The following PRKACB variants were observed in gnomAD, a reference collection of about 807,000 sequenced individuals.
PRKACB encodes cAMP-dependent protein kinase catalytic subunit beta.
Under a neutral mutation model 51.4 loss-of-function variants are expected in PRKACB, and 16 were observed. The observed-to-expected ratio is 0.31, with a 90% CI of 0.21 to 0.47. PRKACB has a LOEUF of 0.47. Among genes scored for constraint, PRKACB ranks in the 20% least tolerant of loss-of-function variants. The probability of loss-of-function intolerance (pLI) is 1.00; values close to 1 mark genes in which losing one functional copy is unlikely to be tolerated. For missense variants in PRKACB, 309 were observed against 464.5 expected (o/e 0.67, Z 3.08); for synonymous variants, 147 against 154.4 (o/e 0.95, Z 0.35).
chr1:84,233,195 G>A (rs1336305816), intron 9 of PRKACB, among the ~76,000 whole-genome samples: 1 of 151,998 alleles, frequency 6.6e-6, no homozygotes, highest in Non-Finnish European at 1.5e-5. Context: ...CTGGATATGA[G>A]ATTCTGGGTT....
intron 1 of PRKACB, among the ~76,000 whole-genome samples, chr1:84,113,780 A>C (rs1650417756): frequency 6.6e-6 from 1 of 152,200 alleles, no homozygotes. Context: ...TTATATGAAA[A>C]GGAAAGGCAA....
chr1:84,176,639 G>A (rs1438156777), intron 1 of PRKACB, among the ~76,000 whole-genome samples: 4 of 151,520 alleles, frequency 2.6e-5, no homozygotes, highest in Non-Finnish European at 5.9e-5. Context: ...TTTCCTCATA[G>A]AACTATTTAA....
chr1:84,134,673 G>A (rs549512661), intron 1 of PRKACB, among the ~76,000 whole-genome samples: 51 of 152,178 alleles, frequency 3.4e-4, no homozygotes, highest in Admixed American at 1.2e-3. Flanking sequence ...AAAATAGGAC[G>A]GGGAAGAAAG....
intron 1 of PRKACB, among the ~76,000 whole-genome samples, chr1:84,122,068 T>A (rs1322887284): frequency 6.6e-6 from 1 of 152,058 alleles, no homozygotes; most frequent in African/African-American, 2.4e-5. Context: ...TCTGAGTGGT[T>A]TCCTTGAAGC....
At chr1:84,094,162 A>C (rs913642600) in intron 1 of PRKACB, among the ~76,000 whole-genome samples, 2 of 152,028 alleles carry the variant, frequency 1.3e-5, no homozygotes, top group Non-Finnish European at 2.9e-5. Flanking sequence ...CACACTTGTC[A>C]TATTCCTGGT....
At chr1:84,131,305 C>T (rs924960770) in intron 1 of PRKACB, among the ~76,000 whole-genome samples, 4 of 149,406 alleles carry the variant, frequency 2.7e-5, no homozygotes, top group African/African-American at 9.9e-5. Context: ...GATGGCACCA[C>T]TGCACTCCAG....
intron 4 of PRKACB, 104 bp downstream of exon 4, chr1:84,184,239 A>G (rs566650245): frequency 3.0e-5 from 30 of 991,294 alleles, no homozygotes; most frequent in Non-Finnish European, 4.2e-5. Context: ...AAGAATATGA[A>G]TAAACAAAAC....
intron 1 of PRKACB, among the ~76,000 whole-genome samples, chr1:84,124,397 A>G (rs892140019): frequency 6.6e-6 from 1 of 152,250 alleles, no homozygotes; most frequent in African/African-American, 2.4e-5. Context: ...TTGTATTAGT[A>G]TAACTTTACA....
intron 1 of PRKACB, among the ~76,000 whole-genome samples, chr1:84,090,065 C>G (rs1193594794): frequency 6.6e-6 from 1 of 152,172 alleles, no homozygotes; most frequent in African/African-American, 2.4e-5. Context: ...CACAGAAGAA[C>G]ACTAGAAATT....
intron 1 of PRKACB, among the ~76,000 whole-genome samples, chr1:84,121,104 C>T (rs894832702): frequency 1.6e-4 from 25 of 152,016 alleles, no homozygotes; most frequent in African/African-American, 6.0e-4. Flanking sequence ...AACATCTTTT[C>T]TAACATGTTC....
intron 9 of PRKACB, among the ~76,000 whole-genome samples, chr1:84,226,001 T>C (rs1167799719): frequency 3.9e-5 from 6 of 152,246 alleles, no homozygotes; most frequent in Non-Finnish European, 5.9e-5. Context: ...GTCAGCCATC[T>C]TGAAGCCCTG....
At chr1:84,100,895 G>A (rs567161558) in intron 1 of PRKACB, among the ~76,000 whole-genome samples, 1 of 152,290 alleles carries the variant, frequency 6.6e-6, no homozygotes, top group East Asian at 1.9e-4. Flanking sequence ...CAGTTAAAAA[G>A]TAGGCAAGCT....
intron 8 of PRKACB, chr1:84,205,046 C>T (rs967539668): frequency 1.0e-6 from 1 of 982,652 alleles, no homozygotes; most frequent in Admixed American, 6.2e-5. Flanking sequence ...CTTATTATAT[C>T]ACAATATTCT....
At chr1:84,139,534 T>C (rs1467727391), upstream of PRKACB, among the ~76,000 whole-genome samples, 1 of 152,190 alleles carries the variant, frequency 6.6e-6, no homozygotes, top group Non-Finnish European at 1.5e-5. Context: ...GCAAGATCTG[T>C]GTGTTGAAAA....
chr1:84,151,614 A>C (rs1654865584), intron 1 of PRKACB, among the ~76,000 whole-genome samples: 1 of 152,196 alleles, frequency 6.6e-6, no homozygotes, highest in African/African-American at 2.4e-5. Context: ...AATATTCTAA[A>C]TTCTCAGGTG....
intron 1 of PRKACB, among the ~76,000 whole-genome samples, chr1:84,084,016 A>G (rs536808620): frequency 1.3e-5 from 2 of 152,312 alleles, no homozygotes; most frequent in African/African-American, 4.8e-5. Flanking sequence ...TAGACATGTC[A>G]GCAAACACAT....
At chr1:84,180,183 GATATATATATATATAT>G (rs3051182) in intron 2 of PRKACB, among the ~76,000 whole-genome samples, 443 of 32,060 alleles carry the variant, frequency 0.014, 49 homozygotes, top group Non-Finnish European at 0.027. Flanking sequence ...AAGAAACTGT[GATATATATATATATAT>G]ATATATATAT....
At chr1:84,081,163 TC>T (rs2100735924) in intron 1 of PRKACB, among the ~76,000 whole-genome samples, 1 of 152,298 alleles carries the variant, frequency 6.6e-6, no homozygotes, top group South Asian at 2.1e-4. Flanking sequence ...GGCAGGTGAT[TC>T]CAGAGCTTAT....
intron 8 of PRKACB, among the ~76,000 whole-genome samples, chr1:84,208,592 C>G (rs1671692531): frequency 6.6e-6 from 1 of 152,204 alleles, no homozygotes; most frequent in African/African-American, 2.4e-5. Context: ...CTAGCACAGA[C>G]TGTCCTTGGC....
Sources: allele counts gnomAD v4.1 joint callset (sites outside exome capture counted in the v4.1 genomes callset), GRCh38; gene constraint gnomAD v4.1.1; transcripts MANE v1.5; gene names NCBI Gene and HGNC (gene_info 2026-07-23, HGNC 2026-07-21).